TBC1D5: variants seen among roughly 807,000 people sequenced by gnomAD.
TBC1D5 encodes TBC1 domain family, member 5.
TBC1D5 carries 75 observed loss-of-function variants against 100.3 expected under a neutral mutation model. The observed-to-expected ratio is 0.75, with a 90% CI of 0.62 to 0.91. TBC1D5 has a LOEUF of 0.91. Ranked by LOEUF, TBC1D5 falls within the 40% of genes least tolerant of loss-of-function variation. TBC1D5 has a pLI of 0.00. For missense variants in TBC1D5, 910 were observed against 942.4 expected (o/e 0.97, Z 0.45); for synonymous variants, 323 against 325.6 (o/e 0.99, Z 0.09).
At chr3:17,450,543 AC>A (rs2094901638) in intron 3 of TBC1D5, among the ~76,000 whole-genome samples, 1 of 152,156 alleles carries the variant, frequency 6.6e-6, no homozygotes, top group Non-Finnish European at 1.5e-5. Context: ...AACATAAATG[AC>A]CCGATAGAGC....
At chr3:17,494,938 AC>A (rs2095687164) in intron 3 of TBC1D5, among the ~76,000 whole-genome samples, 1 of 152,212 alleles carries the variant, frequency 6.6e-6, no homozygotes, top group Non-Finnish European at 1.5e-5. Flanking sequence ...CCTGGGTTGC[AC>A]AGATCCATGA....
intron 19 of TBC1D5, among the ~76,000 whole-genome samples, chr3:17,172,135 C>CT (rs1313660028): frequency 1.3e-5 from 2 of 152,142 alleles, no homozygotes; most frequent in African/African-American, 4.8e-5. Flanking sequence ...AGGGATAAAC[C>CT]TTTTTTTAAT....
At chr3:17,640,880 A>G (rs1577178702) in intron 1 of TBC1D5, among the ~76,000 whole-genome samples, 1 of 152,214 alleles carries the variant, frequency 6.6e-6, no homozygotes, top group East Asian at 1.9e-4. Flanking sequence ...ACTATGTGAG[A>G]ATCTATTAAA....
intron 17 of TBC1D5, among the ~76,000 whole-genome samples, chr3:17,215,836 A>G (rs1249109284): frequency 6.6e-6 from 1 of 152,142 alleles, no homozygotes; most frequent in Non-Finnish European, 1.5e-5. Context: ...ACATTCTCCA[A>G]TCTTGGGTCA....
In TBC1D5 at chr3:17,703,991, G is replaced by T. The variant is rs546273405; in HGVS notation, c.-101+35352C>A. On this transcript the variant is annotated intron_variant, in intron 1 of 21. Transcript: ENST00000253692. ...CAGAGGGGGATTTGGCAGGGTCATG[G>T]GACAATAGTGGAGGGAAGGTCAGCA... 4.0e-3 allele frequency among the ~76,000 whole-genome samples: 574 copies of T among 142,484 alleles called. 5 individuals carry two copies. The highest frequency in any genetic ancestry group is 0.014 in the African/African-American group (530 of 38,242). The allele number at this position is 142,484 out of a possible 152,430, so 93.5% of individuals were successfully genotyped here. A position where few individuals can be genotyped will look rare whatever the true frequency, so the allele number is the denominator to read the frequency against.
intron 2 of TBC1D5, among the ~76,000 whole-genome samples, chr3:17,611,565 T>G (rs1462924147): frequency 6.6e-6 from 1 of 152,144 alleles, no homozygotes; most frequent in African/African-American, 2.4e-5. Flanking sequence ...TGCTGAATGA[T>G]ATTAAGAGGA....
At position 17,497,125 on chromosome 3, in the gene TBC1D5, CACACACACACA is replaced by C. The variant is rs1233664862; in HGVS notation, c.97+11338_97+11348del. On this transcript the variant is annotated intron_variant, in intron 3 of 21. Coordinates refer to ENST00000253692, the Ensembl canonical transcript of TBC1D5. ...ACACACACACACACACACACACACA[CACACACACACA>C]CCATCCTTGTATATCTGCATATCTG... Among the ~76,000 whole-genome samples, 159 of 150,860 alleles carry C rather than the reference CACACACACACA, an allele frequency of 1.1e-3. 3 individuals are homozygous for C. Among genetic ancestry groups the C allele is most frequent in the African/African-American group, 3.8e-3 (154 of 40,656 alleles).
At chr3:17,309,109 A>G (rs1042823826) in intron 13 of TBC1D5, among the ~76,000 whole-genome samples, 13 of 151,784 alleles carry the variant, frequency 8.6e-5, no homozygotes, top group African/African-American at 3.2e-4. Context: ...AGTATAGAAT[A>G]ACCTTTAAAA....
chr3:17,441,523 A>G (rs1020348190), intron 3 of TBC1D5, among the ~76,000 whole-genome samples: 1 of 152,178 alleles, frequency 6.6e-6, no homozygotes, highest in African/African-American at 2.4e-5. Context: ...CAGCTTTTAG[A>G]TAAGAAAATA....
At chr3:17,659,288 C>A (rs2066421300) in intron 1 of TBC1D5, among the ~76,000 whole-genome samples, 1 of 152,054 alleles carries the variant, frequency 6.6e-6, no homozygotes, top group South Asian at 2.1e-4. Flanking sequence ...AGTCAAGGTG[C>A]TGAATAATAT....
intron 8 of TBC1D5, among the ~76,000 whole-genome samples, chr3:17,385,726 G>A (rs1467001619): frequency 6.6e-6 from 1 of 151,866 alleles, no homozygotes; most frequent in Non-Finnish European, 1.5e-5. Context: ...TGGCAGCAAG[G>A]AAGCCTCTTT....
intron 3 of TBC1D5, among the ~76,000 whole-genome samples, chr3:17,441,082 G>C (rs2149535585): frequency 6.6e-6 from 1 of 152,298 alleles, no homozygotes; most frequent in Middle Eastern, 3.4e-3. Context: ...TGATAGAATA[G>C]TTATCAACAT....
intron 13 of TBC1D5, among the ~76,000 whole-genome samples, chr3:17,335,533 T>G (rs1188138726): frequency 1.3e-5 from 2 of 152,080 alleles, no homozygotes; most frequent in Non-Finnish European, 2.9e-5. Flanking sequence ...TTTAAAAAAT[T>G]TCCTTGGTGA....
intron 15 of TBC1D5, among the ~76,000 whole-genome samples, chr3:17,284,753 C>G (rs1371619506): frequency 6.6e-6 from 1 of 152,128 alleles, no homozygotes; most frequent in East Asian, 1.9e-4. Context: ...CCTTACAAAT[C>G]TTTGTTTTAG....
intron 2 of TBC1D5, among the ~76,000 whole-genome samples, chr3:17,571,248 A>G (rs906227915): frequency 6.6e-6 from 1 of 152,048 alleles, no homozygotes; most frequent in Non-Finnish European, 1.5e-5. Context: ...AAAACTAAGC[A>G]ACTACAATAC....
intron 2 of TBC1D5, among the ~76,000 whole-genome samples, chr3:17,599,616 T>C (rs192695695): frequency 4.6e-5 from 7 of 152,320 alleles, no homozygotes; most frequent in Non-Finnish European, 7.3e-5. Flanking sequence ...TGACTTTCCA[T>C]TGAGCTGGTT....
chr3:17,416,062 T>G (rs756497875), intron 4 of TBC1D5, among the ~76,000 whole-genome samples: 3 of 152,218 alleles, frequency 2.0e-5, no homozygotes, highest in Non-Finnish European at 2.9e-5. Flanking sequence ...TAATTAAAAG[T>G]CAATCCTATG....
chr3:17,472,952 T>G (rs1410906528), intron 3 of TBC1D5, among the ~76,000 whole-genome samples: 1 of 152,210 alleles, frequency 6.6e-6, no homozygotes, highest in African/African-American at 2.4e-5. Context: ...ACACACTCAG[T>G]CATCTTAGTT....
At position 17,431,472 on chromosome 3, in the gene TBC1D5, G is replaced by GTATATTTTGAATACA. The variant is rs568115743; in HGVS notation, c.98-2968_98-2954dup. On this transcript the variant is annotated intron_variant, in intron 3 of 21. Transcript: ENST00000253692. ...AAAAGAATCTAGATGTCTTTATTGA[G>GTATATTTTGAATACA]TATATTTTGAATACATGCATGAATT... Among the ~76,000 whole-genome samples the GTATATTTTGAATACA allele has an allele frequency of 4.6e-5, 7 of 151,958 alleles. No homozygotes were observed. In the East Asian group the frequency reaches 1.4e-3, roughly 29 times the overall value.
Sources: allele counts gnomAD v4.1 joint callset (sites outside exome capture counted in the v4.1 genomes callset), GRCh38; gene constraint gnomAD v4.1.1; transcripts MANE v1.5; gene names NCBI Gene and HGNC (gene_info 2026-07-23, HGNC 2026-07-21).